The following NIM1K variants were observed in gnomAD, a reference collection of about 807,000 sequenced individuals.
The protein encoded by NIM1K is NIM1 serine/threonine protein kinase.
A neutral mutation model predicts 37.1 loss-of-function variants in NIM1K; 35 were observed. The observed-to-expected ratio is 0.94, with a 90% confidence interval of 0.72 to 1.25. The LOEUF is 1.25. Ranked by LOEUF, NIM1K falls within the 50% of genes most tolerant of loss-of-function variation. The probability of loss-of-function intolerance (pLI) is 0.00; values close to 1 mark genes in which losing one functional copy is unlikely to be tolerated. For synonymous variants in NIM1K, 234 were observed against 206.6 expected, an observed-to-expected ratio of 1.13 and a Z score of -1.14; for missense variants, 564 against 548.0, an observed-to-expected ratio of 1.03 and a Z score of -0.29.
chr5:43,206,700 C>T (rs1752118496), intron 1 of NIM1K: 1 of 699,854 alleles, frequency 1.4e-6, no homozygotes, highest in Non-Finnish European at 2.7e-6. Flanking sequence ...GGCACAGGGC[C>T]TCGCCTCACT....
chr5:43,233,825 A>T (rs1336254295), intron 1 of NIM1K, among the ~76,000 whole-genome samples: 6 of 152,226 alleles, frequency 3.9e-5, no homozygotes, highest in African/African-American at 1.4e-4. Context: ...TTCTGAGCAG[A>T]TGAAGAATAC....
intron 2 of NIM1K, among the ~76,000 whole-genome samples, chr5:43,264,613 A>G (rs1051017919): frequency 1.3e-5 from 2 of 152,146 alleles, no homozygotes; most frequent in African/African-American, 4.8e-5. Context: ...GATTTAGCCT[A>G]TTTACATTTA....
chr5:43,256,410 A>T (rs1273549163), intron 2 of NIM1K, among the ~76,000 whole-genome samples: 2 of 152,264 alleles, frequency 1.3e-5, no homozygotes, highest in African/African-American at 4.8e-5. Context: ...AATACTCAAA[A>T]GGTTAGGTAA....
chr5:43,200,473 TG>T (rs1285807006), intron 1 of NIM1K, among the ~76,000 whole-genome samples: 2 of 151,934 alleles, frequency 1.3e-5, no homozygotes, highest in African/African-American at 4.8e-5. Flanking sequence ...GCTACTTTTT[TG>T]TATTTTTAGT....
In NIM1K at chr5:43,280,654, AG is replaced by A. The variant is rs767454565; in HGVS notation, c.1237del (p.Glu413LysfsTer14). The stretch of plus-strand genomic sequence containing the variant: ...CAGTCATGATGCTACCAGACCCTAA[AG>A]AAAGAGACCTCAAAAAAGGGTCCCG... ...VPVMMLPDPKERDLKKGSRVY... is the reference protein window; with the variant it reads ...VPVMMLPDPKXRDLKKGSRVY... On this transcript the variant is annotated frameshift_variant, in exon 4 of 4. Transcript: ENST00000326035. LOFTEE classifies it high-confidence loss of function. 8.1e-6 allele frequency: 13 copies of A among 1,613,826 alleles called. No individual in the cohort carries two copies. Among genetic ancestry groups the A allele is most frequent in the Non-Finnish European group, 1.1e-5 (13 of 1,179,986 alleles).
intron 1 of NIM1K, among the ~76,000 whole-genome samples, chr5:43,242,146 G>A (rs993601003): frequency 6.6e-6 from 1 of 152,002 alleles, no homozygotes; most frequent in South Asian, 2.1e-4. Context: ...ATTTGTAGGT[G>A]TTAGGGTACG....
intron 2 of NIM1K, among the ~76,000 whole-genome samples, chr5:43,265,562 A>G (rs1400269855): frequency 6.6e-6 from 1 of 152,180 alleles, no homozygotes; most frequent in South Asian, 2.1e-4. Flanking sequence ...ATGGGTTCGA[A>G]CATCCTCCTT....
chr5:43,244,365 T>C (rs1047336268), intron 1 of NIM1K, among the ~76,000 whole-genome samples: 1 of 152,180 alleles, frequency 6.6e-6, no homozygotes, highest in Non-Finnish European at 1.5e-5. Flanking sequence ...CCACCTTCAC[T>C]GAGATGGGAC....
At chr5:43,255,438 A>G (rs1752927403) in intron 2 of NIM1K, among the ~76,000 whole-genome samples, 1 of 152,194 alleles carries the variant, frequency 6.6e-6, no homozygotes, top group African/African-American at 2.4e-5. Context: ...TCATTGTATT[A>G]TGTAGCGATA....
At chr5:43,232,836 C>T in intron 1 of NIM1K, 1 of 1,037,524 alleles carries the variant, frequency 9.6e-7, no homozygotes, top group Non-Finnish European at 1.5e-6. Flanking sequence ...CAGTGATCTC[C>T]TGGCCAATGG....
chr5:43,220,223 C>T (rs1337707733), intron 1 of NIM1K, among the ~76,000 whole-genome samples: 1 of 151,242 alleles, frequency 6.6e-6, no homozygotes, highest in Non-Finnish European at 1.5e-5. Context: ...GTCTTTAATG[C>T]ATCTTGAATT....
intron 3 of NIM1K, among the ~76,000 whole-genome samples, chr5:43,277,752 C>G (rs2111568447): frequency 6.6e-6 from 1 of 151,536 alleles, no homozygotes; most frequent in South Asian, 2.1e-4. Flanking sequence ...GGTTCTCTCT[C>G]TCTCTCTCTC....
rs941475837 is a variant in NIM1K at position 43,238,749 on chromosome 5, T to G, written c.-694-6333T>G. Among the ~76,000 whole-genome samples, 11 of 151,910 alleles carry G rather than the reference T, an allele frequency of 7.2e-5. 1 individual carries two copies. The highest frequency in any genetic ancestry group is 2.7e-4 in the African/African-American group (11 of 41,182). ...CGTAGGTTTCAGAAAGTCTTTTCTC[T>G]TGAGTTAGTCTATCCAAAAGAGGAG... is the stretch of plus-strand genomic sequence containing the variant. On this transcript the variant is annotated intron_variant, in intron 1 of 3. Transcript: ENST00000326035.
chr5:43,197,269 C>T (rs774750863), intron 1 of NIM1K, among the ~76,000 whole-genome samples: 4 of 152,022 alleles, frequency 2.6e-5, no homozygotes, highest in Admixed American at 1.3e-4. Context: ...GCTGGGACTA[C>T]AGGCATGCAC....
chr5:43,280,500 T>C lies in NIM1K; in HGVS notation c.1082T>C (p.Leu361Ser). 2.5e-6 allele frequency: 4 copies of C among 1,614,148 alleles called. No individual in the cohort carries two copies. The highest frequency in any genetic ancestry group is 2.2e-5 in the South Asian group (2 of 91,080). The change falls in exon 4 of 4, where the codon TTA (leucine) becomes TCA (serine). Residue 361 changes from leucine (L) to serine (S), a missense_variant. Coordinates refer to ENST00000326035, the MANE Select transcript of NIM1K (RefSeq NM_153361.4). ...GAAGAAAATGAGGTCAAAAGCACTT[T>C]AGAACATTTGGGCATTACAGAAGAG... Reference protein sequence around the residue: ...KEEENEVKSTLEHLGITEEHI... With the variant: ...KEEENEVKSTSEHLGITEEHI...
At chr5:43,272,570 C>G (rs935949837) in intron 2 of NIM1K, among the ~76,000 whole-genome samples, 1 of 152,148 alleles carries the variant, frequency 6.6e-6, no homozygotes, top group Non-Finnish European at 1.5e-5. Flanking sequence ...CCCAGCCCCT[C>G]ACGGTAAGGC....
chr5:43,198,712 A>C (rs1362433531), intron 1 of NIM1K, among the ~76,000 whole-genome samples: 6 of 152,180 alleles, frequency 3.9e-5, no homozygotes, highest in Admixed American at 3.9e-4. Flanking sequence ...AAGAAGCCTC[A>C]TCTGTTTTGT....
At chr5:43,216,528 C>T (rs1752302150) in intron 1 of NIM1K, among the ~76,000 whole-genome samples, 1 of 152,190 alleles carries the variant, frequency 6.6e-6, no homozygotes, top group East Asian at 1.9e-4. Context: ...GCACTTAGTG[C>T]ATGAAGGCTT....
chr5:43,198,617 A>G (rs1019617117), intron 1 of NIM1K, among the ~76,000 whole-genome samples: 2 of 152,076 alleles, frequency 1.3e-5, no homozygotes, highest in Non-Finnish European at 2.9e-5. Context: ...AACACGATCT[A>G]TTTCTTATCC....
Sources: gnomAD v4.1 joint callset for allele counts (sites outside exome capture counted in the v4.1 genomes callset) on GRCh38, gnomAD v4.1.1 for gene constraint, MANE v1.5 for transcripts, NCBI Gene and HGNC (gene_info 2026-07-23, HGNC 2026-07-21) for gene names.